FYCO1: variants seen among roughly 807,000 people sequenced by gnomAD.
FYCO1 encodes FYVE and coiled-coil domain-containing protein 1.
In FYCO1, 122 loss-of-function variants were observed where a neutral mutation model predicts 165.1. The ratio of observed to expected loss-of-function variants is 0.74; its 90% CI spans 0.64 to 0.86. The LOEUF (loss-of-function observed/expected upper bound fraction) is 0.86. FYCO1 is among the 40% of genes least tolerant of loss of function. FYCO1 has a pLI of 0.00. For missense variants in FYCO1, 1,702 were observed against 1,810.3 expected (o/e 0.94, Z 1.09); for synonymous variants, 648 against 742.5 (o/e 0.87, Z 2.07).
Position 45,984,856 on chromosome 3 carries a change from C to A in FYCO1, c.55G>T (p.Asp19Tyr). ...CAGCCTGCCCAGCAACCTACCATAC[C>A]TTGCAAGTCTCGGATGATTCTCTGG... ...QLQRIIRDLQ[D>Y]AVTELSKEFQ... The change falls in exon 2 of 18, where the codon GAT becomes TAT. Residue 19 changes from aspartate to tyrosine, a missense_variant and splice_region_variant. Physicochemically the swap from Asp to Tyr is radical, Grantham distance 160 (BLOSUM62 -3). Coordinates refer to ENST00000296137, the MANE Select transcript of FYCO1 (RefSeq NM_024513.4). The A allele has an allele frequency of 1.2e-6, 2 of 1,614,214 alleles. No individual in the cohort carries two copies. Among genetic ancestry groups the A allele is most frequent in the Non-Finnish European group, 1.7e-6 (2 of 1,180,032 alleles).
intron 6 of FYCO1, among the ~76,000 whole-genome samples, chr3:45,971,434 T>C (rs914762902): frequency 1.3e-5 from 2 of 152,220 alleles, no homozygotes; most frequent in African/African-American, 2.4e-5. Context: ...CCATAAGATA[T>C]ATACTCATTA....
chr3:45,969,907 C>T (rs559876561), intron 6 of FYCO1, 142 bp from the exon 7 acceptor site: 1 of 623,642 alleles, frequency 1.6e-6, no homozygotes, highest in Non-Finnish European at 2.9e-6. Flanking sequence ...CCAACAGATT[C>T]CACCAAAGAG....
chr3:45,985,584 C>CAAGCT (rs1371672282), intron 1 of FYCO1, among the ~76,000 whole-genome samples: 75 of 152,238 alleles, frequency 4.9e-4, no homozygotes, highest in African/African-American at 1.5e-3. Context: ...GGGTCCCCTT[C>CAAGCT]GTCGTGAGGC....
At chr3:45,953,051 T>C (rs1273226827) in intron 14 of FYCO1, among the ~76,000 whole-genome samples, 1 of 152,200 alleles carries the variant, frequency 6.6e-6, no homozygotes, top group Non-Finnish European at 1.5e-5. Context: ...GTGAGTTTGG[T>C]GATCAGGCTG....
chr3:45,958,509 C>T lies in FYCO1; in HGVS notation c.3698G>A (p.Gly1233Asp), dbSNP rs780906345. 30 of 1,614,082 alleles carry T rather than the reference C, an allele frequency of 1.9e-5. No homozygotes were observed. The Admixed American group carries it at 3.3e-4, about 18-fold the overall frequency. Reference sequence around the variant, plus strand: ...GCCACTGCTATCAGGGGAGCCAGGGCCTTCACTGAGCTTCTGGAAACAGGC... The same window carrying T: ...GCCACTGCTATCAGGGGAGCCAGGGTCTTCACTGAGCTTCTGGAAACAGGC... ...CRACFQKLSE[G>D]PGSPDSSGSG... is the part of the protein sequence containing the mutation. Residue 1233 changes from glycine (G) to aspartate (D), a missense_variant, in exon 13 of 18, where the codon GGC becomes GAC. Physicochemically the swap from Gly to Asp is moderately conservative, Grantham distance 94 (BLOSUM62 -1). Coordinates refer to ENST00000296137, the MANE Select transcript of FYCO1 (RefSeq NM_024513.4).
rs1706144497 is a variant in FYCO1, at chr3:45,967,591, C to T, written c.1743G>A (p.Leu581=). The change falls in exon 8 of 18, where the codon CTG becomes CTA. Residue 581 remains leucine, a synonymous_variant. Coordinates refer to ENST00000296137, the MANE Select transcript of FYCO1 (RefSeq NM_024513.4). ...CCTCTGGCTTCCCCCAGGCCTCTTG[C>T]AGACTGGAGTTCACAGGGACCAGGG... The part of the protein sequence containing the change: ...NEALVPVNSS[L]QEAWGKPEEE... 6.2e-7 allele frequency: 1 copy of T among 1,614,126 alleles called. No individual in the cohort carries two copies. Among genetic ancestry groups the T allele is most frequent in the Non-Finnish European group, 8.5e-7 (1 of 1,180,042 alleles).
At chr3:45,979,542 G>A (rs1337054355) in intron 4 of FYCO1, among the ~76,000 whole-genome samples, 163 bp downstream of exon 4, 1 of 152,150 alleles carries the variant, frequency 6.6e-6, no homozygotes, top group African/African-American at 2.4e-5. Flanking sequence ...CCCCAACCTT[G>A]AGCCACTGCA....
In FYCO1 at chr3:45,958,495, C is replaced by T. The variant is rs915653102; in HGVS notation, c.3712G>A (p.Asp1238Asn). Residue 1238 changes from aspartate (D) to asparagine (N), a missense_variant, in exon 13 of 18, where the codon GAT (aspartate) becomes AAT (asparagine). By Grantham distance (23) the Asp-to-Asn change is conservative. Coordinates refer to ENST00000296137, the MANE Select transcript of FYCO1 (RefSeq NM_024513.4). ...QKLSEGPGSP[D>N]SSGSGTSQGE... Reference sequence around the variant, plus strand: ...TGGCTAGTGCCTGAGCCACTGCTATCAGGGGAGCCAGGGCCTTCACTGAGC... The same window carrying T: ...TGGCTAGTGCCTGAGCCACTGCTATTAGGGGAGCCAGGGCCTTCACTGAGC... 1.2e-5 allele frequency: 20 copies of T among 1,614,030 alleles called. No homozygotes were observed. Among genetic ancestry groups the T allele is most frequent in the Non-Finnish European group, 1.7e-5 (20 of 1,180,046 alleles).
chr3:45,973,895 C>CA lies in FYCO1; in HGVS notation c.396-665dup, dbSNP rs905335517. Among the ~76,000 whole-genome samples the CA allele has an allele frequency of 2.6e-5, 4 of 151,310 alleles. No individual in the cohort carries two copies. In the South Asian group the frequency reaches 8.4e-4, roughly 32 times the overall value. Reference sequence around the variant, plus strand: ...CAACATGGCAATATCCCATCTCTACCAAAAAAACACAAAAAATTAGCTGAG... The same window carrying CA: ...CAACATGGCAATATCCCATCTCTACCAAAAAAAACACAAAAAATTAGCTGAG... On this transcript the variant is annotated intron_variant, in intron 5 of 17. Transcript: ENST00000296137.
At position 45,981,557 on chromosome 3, in the gene FYCO1, A is replaced by C. The variant is rs753353238; in HGVS notation, c.162+13T>G. The stretch of plus-strand genomic sequence containing the variant: ...ACCAGTGCAAAAATCAACACATTAC[A>C]GGCATCACTTACTTGCAGGAGATAC... On this transcript the variant is annotated intron_variant, in intron 3 of 17. Transcript: ENST00000296137. 6.7e-7 allele frequency: 1 copy of C among 1,485,614 alleles called. No individual in the cohort carries two copies. Among genetic ancestry groups the C allele is most frequent in the Non-Finnish European group, 9.4e-7 (1 of 1,062,666 alleles). 92.0% of individuals were successfully genotyped at this position (1,485,614 alleles called of 1,614,324 possible).
intron 4 of FYCO1, 124 bp from the exon 5 acceptor site, chr3:45,975,469 T>C (rs1273874214): frequency 2.1e-5 from 15 of 721,916 alleles, no homozygotes; most frequent in Non-Finnish European, 3.7e-5. Context: ...TTTTACCCTA[T>C]ACGTTGTCCT....
chr3:45,980,794 A>T (rs1343861150), intron 3 of FYCO1, among the ~76,000 whole-genome samples: 1 of 152,202 alleles, frequency 6.6e-6, no homozygotes, highest in Non-Finnish European at 1.5e-5. Context: ...TGCGTATGTT[A>T]TTAGGATATC....
rs1248215487 is a variant in FYCO1, at chr3:45,984,981, G to A, written c.-71C>T. ...AGGAAGGCTCAGAATTTCGGCCCTC[G>A]GTGGCTGTCTGCTCAGCAGTGGTCA... On this transcript the variant is annotated 5_prime_UTR_variant, in exon 2 of 18. Coordinates refer to ENST00000296137, the MANE Select transcript of FYCO1 (RefSeq NM_024513.4). 1.1e-5 allele frequency: 17 copies of A among 1,484,372 alleles called. No homozygotes were observed. The highest frequency in any genetic ancestry group is 2.3e-5 in the South Asian group (2 of 88,354). 92.0% of individuals were successfully genotyped at this position (1,484,372 alleles called of 1,614,324 possible).
At chr3:45,966,196 G>A (rs1164841843) in intron 8 of FYCO1, 81 bp downstream of exon 8, 2 of 1,462,202 alleles carry the variant, frequency 1.4e-6, no homozygotes, top group Admixed American at 3.3e-5. Context: ...CTGCCTCATG[G>A]CTAAAGGTGC....
rs775726960 is a variant in FYCO1, at chr3:45,967,683, C to T, written c.1651G>A (p.Gly551Ser). The change falls in exon 8 of 18, where the codon GGT becomes AGT. Residue 551 changes from glycine to serine, a missense_variant. Coordinates refer to ENST00000296137, the MANE Select transcript of FYCO1 (RefSeq NM_024513.4). ...QDKDHLSQQV[G>S]MLERLAGPPG... is the part of the protein sequence containing the mutation. Reference sequence around the variant, plus strand: ...GGCCCAGCAAGCCGCTCGAGCATACCCACCTGCTGGCTGAGGTGGTCTTTG... The same window carrying T: ...GGCCCAGCAAGCCGCTCGAGCATACTCACCTGCTGGCTGAGGTGGTCTTTG... 3.1e-6 allele frequency: 5 copies of T among 1,613,894 alleles called. No individual in the cohort carries two copies. Among genetic ancestry groups the T allele is most frequent in the Admixed American group, 1.7e-5 (1 of 60,032 alleles).
intron 3 of FYCO1, 152 bp downstream of exon 3, chr3:45,981,418 T>C (rs1316438675): frequency 7.3e-6 from 5 of 680,962 alleles, no homozygotes; most frequent in Non-Finnish European, 1.3e-5. Context: ...AGGATTGAGC[T>C]GGCACTGGGG....
chr3:45,947,242 G>T (rs781587134), intron 14 of FYCO1: 3 of 1,613,994 alleles, frequency 1.9e-6, no homozygotes, highest in African/African-American at 2.7e-5. Context: ...AAGTTCATCC[G>T]CAGCACACAC....
At chr3:45,923,820 C>T in intron 16 of FYCO1, 55 bp from the exon 17 acceptor site, 10 of 1,159,140 alleles carry the variant, frequency 8.6e-6, no homozygotes, top group Non-Finnish European at 1.3e-5. Context: ...GGGCCCTCGG[C>T]ATCCTCAGGG....
chr3:45,975,926 G>A (rs568010282), intron 4 of FYCO1, among the ~76,000 whole-genome samples: 13 of 152,296 alleles, frequency 8.5e-5, no homozygotes, highest in African/African-American at 1.9e-4. Flanking sequence ...GCGTGAGTGC[G>A]GCCGTGTAAC....
Sources: allele counts gnomAD v4.1 joint callset (sites outside exome capture counted in the v4.1 genomes callset), GRCh38; gene constraint gnomAD v4.1.1; transcripts MANE v1.5; gene names NCBI Gene and HGNC (gene_info 2026-07-23, HGNC 2026-07-21).